Variants in KMT5A observed in about 807,000 individuals in gnomAD.
The protein encoded by KMT5A is N-lysine methyltransferase KMT5A.
KMT5A carries 6 observed loss-of-function variants against 40.6 expected under a neutral mutation model. The ratio of observed to expected loss-of-function variants is 0.15; its 90% CI spans 0.08 to 0.29. The LOEUF (loss-of-function observed/expected upper bound fraction) is 0.29. Ranked by LOEUF, KMT5A falls within the 10% of genes least tolerant of loss-of-function variation. KMT5A has a pLI of 1.00. For missense variants in KMT5A, 308 were observed against 459.1 expected, an observed-to-expected ratio of 0.67 and a Z score of 3.01; for synonymous variants, 153 against 178.8, an observed-to-expected ratio of 0.86 and a Z score of 1.15.
Position 123,408,566 on chromosome 12 carries a change from C to CTTTTTTTTTTTTT in KMT5A, c.*871_*883dup, listed in dbSNP as rs57847836. On this transcript the variant is annotated 3_prime_UTR_variant, in exon 8 of 8. Coordinates refer to ENST00000402868, the MANE Select transcript of KMT5A (RefSeq NM_020382.7). Reference sequence around the variant, plus strand: ...GGTCTTGAAGTGAGTGAAGTGGCTGCTTTTTTTTTTTTTTTTTTTTGCTTT... The same window carrying CTTTTTTTTTTTTT: ...GGTCTTGAAGTGAGTGAAGTGGCTGCTTTTTTTTTTTTTTTTTTTTTTTTTTTTTTTTTGCTTT... The CTTTTTTTTTTTTT allele has an allele frequency of 7.6e-5, 7 of 91,884 alleles. No individual in the cohort carries two copies. Among genetic ancestry groups the CTTTTTTTTTTTTT allele is most frequent in the African/African-American group, 1.5e-4 (4 of 26,464 alleles). 5.7% of individuals were successfully genotyped at this position (91,884 alleles called of 1,614,324 possible).
In KMT5A at chr12:123,395,071, T is replaced by C. The variant is rs1274980964; in HGVS notation, c.314T>C (p.Val105Ala). ...GAGAAAAGAAATGCTGGGAACGCAG[T>C]ACGGAGCGCCATGAAGTCCGAGGAA... is the stretch of plus-strand genomic sequence containing the variant. ...REEKRNAGNA[V>A]RSAMKSEEQK... is the part of the protein sequence containing the mutation. The change falls in exon 4 of 8, where the codon GTA becomes GCA. Residue 105 changes from valine to alanine, a missense_variant. Val to Ala is a moderately conservative substitution (Grantham distance 64, BLOSUM62 0). This residue lies in a region of KMT5A where 127 missense variants were observed against 129.8 expected (regional missense o/e 0.98). Coordinates refer to ENST00000402868, the MANE Select transcript of KMT5A (RefSeq NM_020382.7). 1 of 1,579,968 alleles carries C rather than the reference T, an allele frequency of 6.3e-7. No individual in the cohort carries two copies. Among genetic ancestry groups the C allele is most frequent in the Non-Finnish European group, 8.6e-7 (1 of 1,162,912 alleles).
chr12:123,386,528 T>C (rs953275527), intron 1 of KMT5A, among the ~76,000 whole-genome samples: 2 of 152,160 alleles, frequency 1.3e-5, no homozygotes, highest in Non-Finnish European at 2.9e-5. Context: ...TATTTAGAAT[T>C]GTAAATACCA....
chr12:123,386,289 C>T (rs572600488), intron 1 of KMT5A, among the ~76,000 whole-genome samples: 8 of 150,416 alleles, frequency 5.3e-5, no homozygotes, highest in East Asian at 1.9e-4. Flanking sequence ...GATTTCAGCC[C>T]GCTTCACCCT....
chr12:123,386,871 TG>T (rs1876903473), intron 1 of KMT5A, among the ~76,000 whole-genome samples: 1 of 152,074 alleles, frequency 6.6e-6, no homozygotes, highest in Admixed American at 6.6e-5. Flanking sequence ...TCTTTTTTTT[TG>T]GGAGACAGAG....
intron 4 of KMT5A, 79 bp downstream of exon 4, chr12:123,395,345 C>T (rs761821125): frequency 1.4e-5 from 20 of 1,434,602 alleles, no homozygotes; most frequent in Non-Finnish European, 1.9e-5. Context: ...CTCAGGTGCC[C>T]ATGGGGGTTC....
chr12:123,391,085 G>A (rs1877284004), intron 3 of KMT5A: 1 of 353,168 alleles, frequency 2.8e-6, no homozygotes, highest in Non-Finnish European at 5.3e-6. Flanking sequence ...AGTGCTGAAA[G>A]TGCAGAAGTC....
intron 3 of KMT5A, among the ~76,000 whole-genome samples, chr12:123,394,120 T>C (rs1877513962): frequency 6.7e-6 from 1 of 149,902 alleles, no homozygotes; most frequent in South Asian, 2.1e-4. Flanking sequence ...TTTTTTTTTT[T>C]TGAGACAGAG....
At chr12:123,396,505 ATG>A (rs1877741238) in intron 5 of KMT5A, 73 bp downstream of exon 5, 9 of 1,370,530 alleles carry the variant, frequency 6.6e-6, no homozygotes, top group Admixed American at 3.4e-5. Flanking sequence ...GCGTGTGCGT[ATG>A]TGTGTGTCCT....
intron 7 of KMT5A, among the ~76,000 whole-genome samples, chr12:123,406,572 C>T (rs1387773007): frequency 6.6e-6 from 1 of 152,140 alleles, no homozygotes; most frequent in Admixed American, 6.6e-5. Context: ...CCTCAGCCTC[C>T]GAAAGTGCTG....
At chr12:123,401,621 TC>T (rs1878186322) in intron 5 of KMT5A, among the ~76,000 whole-genome samples, 1 of 148,360 alleles carries the variant, frequency 6.7e-6, no homozygotes, top group South Asian at 2.2e-4. Context: ...TTGCTCTGTC[TC>T]CCAGGCTGGA....
At chr12:123,399,119 C>T (rs963423948) in intron 5 of KMT5A, among the ~76,000 whole-genome samples, 2 of 152,252 alleles carry the variant, frequency 1.3e-5, no homozygotes, top group South Asian at 2.1e-4. Context: ...CAGCCAGCAG[C>T]GGGGCAGGGA....
At chr12:123,397,926 G>A (rs1185712129) in intron 5 of KMT5A, among the ~76,000 whole-genome samples, 2 of 150,408 alleles carry the variant, frequency 1.3e-5, no homozygotes, top group Admixed American at 1.3e-4. Context: ...GCCCACCTCA[G>A]CCTCCCAAAG....
At chr12:123,400,136 TAAAAA>T (rs1434307247) in intron 5 of KMT5A, among the ~76,000 whole-genome samples, 1 of 145,316 alleles carries the variant, frequency 6.9e-6, no homozygotes, top group Admixed American at 6.9e-5. Context: ...GACCCCATCT[TAAAAA>T]ATAATTAAAA....
chr12:123,389,452 C>A lies in KMT5A; in HGVS notation c.30C>A (p.Pro10=), dbSNP rs1877105990. The A allele has an allele frequency of 9.1e-7, 1 of 1,099,264 alleles. No homozygotes were observed. Among genetic ancestry groups the A allele is most frequent in the Non-Finnish European group, 1.1e-6 (1 of 908,578 alleles). 68.1% of individuals were successfully genotyped at this position (1,099,264 alleles called of 1,614,324 possible). A position where few individuals can be genotyped will look rare whatever the true frequency, so the allele number is the denominator to read the frequency against. The change falls in exon 2 of 8, where the codon CCC becomes CCA. Residue 10 remains proline (P), a synonymous_variant. Coordinates refer to ENST00000402868, the MANE Select transcript of KMT5A (RefSeq NM_020382.7). MARGRKMSK[P]RAVEAAAAAA... Reference sequence around the variant, plus strand: ...CTCCAGGCAGGAAGATGTCCAAGCCCCGCGCGGTGGAGGCGGCGGCGGCGG... The same window carrying A: ...CTCCAGGCAGGAAGATGTCCAAGCCACGCGCGGTGGAGGCGGCGGCGGCGG...
intron 2 of KMT5A, among the ~76,000 whole-genome samples, chr12:123,390,369 C>G (rs1383574180): frequency 6.6e-6 from 1 of 152,152 alleles, no homozygotes; most frequent in Admixed American, 6.5e-5. Context: ...CTATATAGAC[C>G]TTGGGTTGCA....
At position 123,384,178 on chromosome 12, in the gene KMT5A, A is replaced by C. The variant is rs915780809; in HGVS notation, c.-21A>C. The C allele has an allele frequency of 1.9e-5, 30 of 1,613,552 alleles. No individual in the cohort carries two copies. The highest frequency in any genetic ancestry group is 2.5e-5 in the Non-Finnish European group (30 of 1,179,734). On this transcript the variant is annotated 5_prime_UTR_variant, in exon 1 of 8. Coordinates refer to ENST00000402868, the MANE Select transcript of KMT5A (RefSeq NM_020382.7). This position sits in a 1 kb window ranked among gnomAD's most constrained non-coding sequence, Gnocchi z 5.7. Reference sequence around the variant, plus strand: ...AAAGCTGGGTTTCCCGGGAGATCCCAGGCGGTGACAGAGTGGAGCCATGGC... The same window carrying C: ...AAAGCTGGGTTTCCCGGGAGATCCCCGGCGGTGACAGAGTGGAGCCATGGC...
At chr12:123,390,319 G>C (rs1415826236) in intron 2 of KMT5A, among the ~76,000 whole-genome samples, 1 of 152,174 alleles carries the variant, frequency 6.6e-6, no homozygotes, top group African/African-American at 2.4e-5. Context: ...ACATGCCCAG[G>C]TCCTTTTGAC....
chr12:123,403,141 G>A (rs1404150842), intron 5 of KMT5A, among the ~76,000 whole-genome samples: 2 of 152,230 alleles, frequency 1.3e-5, no homozygotes, highest in East Asian at 1.9e-4. Flanking sequence ...GTGACCTTAC[G>A]ATCCGCCCGC....
chr12:123,390,214 C>A, intron 2 of KMT5A: 1 of 452,562 alleles, frequency 2.2e-6, no homozygotes, highest in Non-Finnish European at 4.4e-6. Context: ...CCCTCAGCAC[C>A]AAGTGGTTAA....
Sources: allele counts gnomAD v4.1 joint callset (sites outside exome capture counted in the v4.1 genomes callset), GRCh38; gene constraint gnomAD v4.1.1; regional missense constraint gnomAD v4.1.1; non-coding constraint Gnocchi (gnomAD v3.1); transcripts MANE v1.5; gene names NCBI Gene and HGNC (gene_info 2026-07-23, HGNC 2026-07-21).